The following AGO4 variants were observed in gnomAD, a reference collection of about 807,000 sequenced individuals.
AGO4 encodes the protein protein argonaute-4.
AGO4 carries 33 observed loss-of-function variants against 104.7 expected under a neutral mutation model. The observed-to-expected ratio is 0.32, with a 90% CI of 0.24 to 0.42. The LOEUF (loss-of-function observed/expected upper bound fraction) is 0.42. Ranked by LOEUF, AGO4 falls within the 10% of genes least tolerant of loss-of-function variation. AGO4 has a pLI of 1.00. For missense variants in AGO4, 711 were observed against 1,083.4 expected (o/e 0.66, Z 4.83); for synonymous variants, 331 against 364.7 (o/e 0.91, Z 1.05).
At chr1:35,821,326 G>T (rs948079763) in intron 2 of AGO4, among the ~76,000 whole-genome samples, 5 of 152,154 alleles carry the variant, frequency 3.3e-5, no homozygotes, top group African/African-American at 1.2e-4. Context: ...TTGTAAACAT[G>T]ACTTTCCCAC....
Position 35,853,574 on chromosome 1 carries a change from A to G in AGO4, c.2555A>G (p.His852Arg), listed in dbSNP as rs374855000. 3.1e-6 allele frequency: 5 copies of G among 1,614,010 alleles called. No homozygotes were observed. Among genetic ancestry groups the G allele is most frequent in the African/African-American group, 1.3e-5 (1 of 74,928 alleles). ...QALAKAVQIH[H>R]DTQHTMYFA is the part of the protein sequence containing the mutation. ...TTGGCTAAGGCTGTGCAAATCCACC[A>G]TGATACCCAGCACACGATGTATTTT... The change falls in exon 18 of 18, where the codon CAT becomes CGT. Residue 852 changes from histidine (H) to arginine (R), a missense_variant. By Grantham distance (29) the His-to-Arg change is conservative. Around this residue, in one of 3 missense-constraint regions of AGO4, gnomAD observed 401 missense variants for 665.5 expected, o/e 0.60. Coordinates refer to ENST00000373210, the MANE Select transcript of AGO4 (RefSeq NM_017629.4).
chr1:35,816,107 T>A (rs533938457), intron 1 of AGO4, among the ~76,000 whole-genome samples: 1 of 152,312 alleles, frequency 6.6e-6, no homozygotes, highest in East Asian at 1.9e-4. Context: ...AGCAAATAAA[T>A]TGATAAATAG....
chr1:35,824,684 C>G (rs558249321), intron 3 of AGO4, among the ~76,000 whole-genome samples: 1 of 151,922 alleles, frequency 6.6e-6, no homozygotes, highest in African/African-American at 2.4e-5. Context: ...ACTTGTAATT[C>G]CAGCTACTTG....
intron 1 of AGO4, among the ~76,000 whole-genome samples, chr1:35,813,236 T>C (rs1643566165): frequency 6.6e-6 from 1 of 151,050 alleles, no homozygotes; most frequent in Non-Finnish European, 1.5e-5. Context: ...GGTGAAATCC[T>C]GTCTCTACTA....
chr1:35,831,542 C>A lies in AGO4; in HGVS notation c.964C>A (p.Gln322Lys). 6.2e-7 allele frequency: 1 copy of A among 1,613,118 alleles called. No homozygotes were observed. Among genetic ancestry groups the A allele is most frequent in the Non-Finnish European group, 8.5e-7 (1 of 1,179,768 alleles). Residue 322 changes from glutamine (Q) to lysine (K), a missense_variant, in exon 8 of 18, where the codon CAA (glutamine) becomes AAA (lysine). Gln to Lys is a moderately conservative substitution (Grantham distance 53, BLOSUM62 1). Transcript: ENST00000373210. Reference protein sequence around the residue: ...YPHLPCLQVGQEQKHTYLPLE... With the variant: ...YPHLPCLQVGKEQKHTYLPLE... Reference sequence around the variant, plus strand: ...CCATCTTCCCTGTCTCCAAGTGGGACAAGAACAAAAGCATACATACTTGCC... The same window carrying A: ...CCATCTTCCCTGTCTCCAAGTGGGAAAAGAACAAAAGCATACATACTTGCC...
chr1:35,818,645 GAAAGAAAGAAA>G (rs1643795342), intron 2 of AGO4, among the ~76,000 whole-genome samples: 1 of 108,590 alleles, frequency 9.2e-6, no homozygotes, highest in Non-Finnish European at 2.1e-5. Flanking sequence ...AAGAAAGAAA[GAAAGAAAGAAA>G]GAAAGGAAGA....
Position 35,835,839 on chromosome 1 carries a change from G to A in AGO4, c.1570G>A (p.Val524Met). The change falls in exon 13 of 18, where the codon GTG (valine) becomes ATG (methionine). Residue 524 changes from valine to methionine, a missense_variant. Val to Met is a conservative substitution (Grantham distance 21). Coordinates refer to ENST00000373210, the MANE Select transcript of AGO4 (RefSeq NM_017629.4). ...TTAATAAATTATTTTTGTAGCGGAG[G>A]TGAAACGTGTTGGAGATACCCTTCT... ...LPGKTPVYAEVKRVGDTLLGM... is the reference protein window; with the variant it reads ...LPGKTPVYAEMKRVGDTLLGM... 1 of 1,595,738 alleles carries A rather than the reference G, an allele frequency of 6.3e-7. No individual in the cohort carries two copies. The highest frequency in any genetic ancestry group is 8.5e-7 in the Non-Finnish European group (1 of 1,174,998).
Position 35,855,024 on chromosome 1 carries a change from G to A in AGO4, c.*1419G>A, listed in dbSNP as rs1473090921. 1 of 152,656 alleles carries A rather than the reference G, an allele frequency of 6.6e-6. No homozygotes were observed. Among genetic ancestry groups the A allele is most frequent in the African/African-American group, 2.4e-5 (1 of 41,462 alleles). 9.5% of individuals were successfully genotyped at this position (152,656 alleles called of 1,614,324 possible). ...GGGAGTTGCTCTAAAGCGAGCATCA[G>A]TTAAAATGTAGGGGAAAATGTATTC... is the stretch of plus-strand genomic sequence containing the variant. On this transcript the variant is annotated 3_prime_UTR_variant, in exon 18 of 18. Transcript: ENST00000373210.
In AGO4 at chr1:35,855,352, C is replaced by G. The variant is rs2148694649; in HGVS notation, c.*1747C>G. ...TGAACTCATGAGACGGTCCAAATCT[C>G]ATAAACTAGCCTTCTCAAAATCCCA... On this transcript the variant is annotated 3_prime_UTR_variant, in exon 18 of 18. Transcript: ENST00000373210. 6.5e-6 allele frequency: 1 copy of G among 152,770 alleles called. No homozygotes were observed. Among genetic ancestry groups the G allele is most frequent in the South Asian group, 2.1e-4 (1 of 4,824 alleles). The allele number at this position is 152,770 out of a possible 1,614,324, so 9.5% of individuals were successfully genotyped here.
Position 35,841,451 on chromosome 1 carries a change from G to A in AGO4, c.2011G>A (p.Gly671Arg). 6.2e-7 allele frequency: 1 copy of A among 1,613,532 alleles called. No individual in the cohort carries two copies. The highest frequency in any genetic ancestry group is 8.5e-7 in the Non-Finnish European group (1 of 1,179,486). The stretch of plus-strand genomic sequence containing the variant: ...ACCCACTCGGATCATCTATTACCGT[G>A]GAGGGGTATCTGAGGGACAAATGAA... Reference protein sequence around the residue: ...FKPTRIIYYRGGVSEGQMKQV... With the variant: ...FKPTRIIYYRRGVSEGQMKQV... The change falls in exon 14 of 18, where the codon GGA (glycine) becomes AGA (arginine). Residue 671 changes from glycine (G) to arginine (R), a missense_variant. Coordinates refer to ENST00000373210, the MANE Select transcript of AGO4 (RefSeq NM_017629.4). This position sits in a 1 kb window ranked among gnomAD's most constrained non-coding sequence, Gnocchi z 4.7.
chr1:35,820,841 T>C (rs940648031), intron 2 of AGO4, among the ~76,000 whole-genome samples: 4 of 152,210 alleles, frequency 2.6e-5, no homozygotes, highest in Non-Finnish European at 5.9e-5. Context: ...CTAAATACTC[T>C]ATGTATTTTA....
chr1:35,837,206 T>C (rs1159919307), intron 13 of AGO4, among the ~76,000 whole-genome samples: 1 of 151,974 alleles, frequency 6.6e-6, no homozygotes, highest in Non-Finnish European at 1.5e-5. Flanking sequence ...CCTCAGCTTC[T>C]TGAGTAGCTA....
chr1:35,850,589 G>A (rs1420275530), intron 16 of AGO4, among the ~76,000 whole-genome samples: 1 of 151,900 alleles, frequency 6.6e-6, no homozygotes, highest in Non-Finnish European at 1.5e-5. Flanking sequence ...AGACCAGCCT[G>A]ACCAATGTGG....
intron 3 of AGO4, among the ~76,000 whole-genome samples, chr1:35,824,034 A>G (rs1171540001): frequency 6.6e-6 from 1 of 152,236 alleles, no homozygotes; most frequent in African/African-American, 2.4e-5. Flanking sequence ...TACTTTAACA[A>G]AGTACTACCT....
intron 15 of AGO4, among the ~76,000 whole-genome samples, chr1:35,847,990 G>A (rs1644613443): frequency 6.6e-6 from 1 of 152,070 alleles, no homozygotes; most frequent in Non-Finnish European, 1.5e-5. Flanking sequence ...ACAGTTGGTT[G>A]AATTCCTGAA....
intron 7 of AGO4, 49 bp from the exon 8 acceptor site, chr1:35,831,378 A>T: frequency 6.5e-7 from 1 of 1,548,742 alleles, no homozygotes; most frequent in Non-Finnish European, 8.7e-7. Context: ...AAAAAGAAGA[A>T]AAGAAAGAAC....
At chr1:35,829,882 C>T (rs1002275753) in intron 7 of AGO4, among the ~76,000 whole-genome samples, 3 of 148,372 alleles carry the variant, frequency 2.0e-5, no homozygotes, top group African/African-American at 7.4e-5. Flanking sequence ...GATTAAAACC[C>T]GGCATGGTGG....
At chr1:35,851,283 C>T (rs963458067) in intron 17 of AGO4, 2 of 544,190 alleles carry the variant, frequency 3.7e-6, no homozygotes, top group Admixed American at 6.3e-5. Flanking sequence ...TTTGGAGCTG[C>T]TTGTGGTTCT....
chr1:35,814,637 T>C (rs1366676320), intron 1 of AGO4, among the ~76,000 whole-genome samples: 2 of 152,210 alleles, frequency 1.3e-5, no homozygotes, highest in Admixed American at 1.3e-4. Flanking sequence ...GGTTCCCCTA[T>C]AGAGAGAGTC....
Sources: gnomAD v4.1 joint callset for allele counts (sites outside exome capture counted in the v4.1 genomes callset) on GRCh38, gnomAD v4.1.1 for gene constraint, gnomAD v4.1.1 regional missense constraint, Gnocchi (gnomAD v3.1) non-coding constraint, MANE v1.5 for transcripts, NCBI Gene and HGNC (gene_info 2026-07-23, HGNC 2026-07-21) for gene names.